Variants in ZFAND3 observed in about 807,000 individuals in gnomAD.
The protein encoded by ZFAND3 is AN1-type zinc finger protein 3.
In ZFAND3, 10 loss-of-function variants were observed where a neutral mutation model predicts 29.6. That is an observed-to-expected ratio of 0.34 (90% CI 0.21 to 0.57). ZFAND3 has a LOEUF of 0.57. Among genes scored for constraint, ZFAND3 ranks in the 20% least tolerant of loss-of-function variants. The pLI is 0.86. For missense variants in ZFAND3, 230 were observed against 304.5 expected (o/e 0.76, Z 1.82); for synonymous variants, 128 against 112.6 (o/e 1.14, Z -0.87).
intron 2 of ZFAND3, among the ~76,000 whole-genome samples, chr6:38,052,966 G>A (rs906080861): frequency 4.6e-5 from 7 of 151,880 alleles, no homozygotes; most frequent in Admixed American, 4.6e-4. Flanking sequence ...CCCGGGAGGC[G>A]GAGGTTGCAG....
intron 1 of ZFAND3, among the ~76,000 whole-genome samples, chr6:37,878,944 C>T (rs925874685): frequency 2.0e-5 from 3 of 152,108 alleles, no homozygotes; most frequent in Admixed American, 2.0e-4. Flanking sequence ...CTTTCCCAGC[C>T]CTGTGAGTTA....
chr6:38,143,691 C>T (rs1766009381), intron 5 of ZFAND3, among the ~76,000 whole-genome samples: 1 of 152,202 alleles, frequency 6.6e-6, no homozygotes. Context: ...CTTGTTGATT[C>T]ACTGTGGCTT....
chr6:38,026,483 T>C (rs1763452177), intron 2 of ZFAND3, among the ~76,000 whole-genome samples: 1 of 132,648 alleles, frequency 7.5e-6, no homozygotes. Context: ...CAGGCTGGAG[T>C]GAAGTGGCAG....
At chr6:38,036,096 G>C (rs1467764226) in intron 2 of ZFAND3, among the ~76,000 whole-genome samples, 1 of 152,160 alleles carries the variant, frequency 6.6e-6, no homozygotes, top group African/African-American at 2.4e-5. Context: ...CCTGGCTAAA[G>C]ACAGGACAGA....
At chr6:38,016,104 C>T (rs1000899578) in intron 2 of ZFAND3, among the ~76,000 whole-genome samples, 4 of 151,898 alleles carry the variant, frequency 2.6e-5, no homozygotes, top group East Asian at 1.9e-4. Context: ...GTTCCTTAGA[C>T]AGTAGTTCAG....
Position 37,883,627 on chromosome 6 carries a change from C to T in ZFAND3, c.72-46332C>T, listed in dbSNP as rs1287674752. 2.8e-5 allele frequency among the ~76,000 whole-genome samples: 4 copies of T among 143,832 alleles called. 1 individual carries two copies. Among genetic ancestry groups the T allele is most frequent in the African/African-American group, 1.1e-4 (4 of 35,244 alleles). 94.4% of individuals were successfully genotyped at this position (143,832 alleles called of 152,430 possible). A position where few individuals can be genotyped will look rare whatever the true frequency, so the allele number is the denominator to read the frequency against. On this transcript the variant is annotated intron_variant, in intron 1 of 5. Coordinates refer to ENST00000287218, the MANE Select transcript of ZFAND3 (RefSeq NM_021943.3). ...GCACAATCTTGGCTCACTGCAACCT[C>T]TGCCTCCTGGGTTCAAGCAATTCTC...
rs140852677 is a variant in ZFAND3 at position 38,054,764 on chromosome 6, T to A, written c.113-6829T>A. 2.1e-4 allele frequency among the ~76,000 whole-genome samples: 32 copies of A among 152,322 alleles called. No homozygotes were observed. In the East Asian group the frequency reaches 6.0e-3, roughly 28 times the overall value. On this transcript the variant is annotated intron_variant, in intron 2 of 5. Transcript: ENST00000287218. ...TGATAAGGTTTTCATAGTAACCAAG[T>A]CCATAAGTGCATTGGTTCTTGCTAA...
intron 4 of ZFAND3, among the ~76,000 whole-genome samples, chr6:38,097,867 A>C (rs1444953891): frequency 1.3e-5 from 2 of 152,142 alleles, no homozygotes; most frequent in Non-Finnish European, 2.9e-5. Flanking sequence ...CAGATTGGAG[A>C]ATGCAGACAT....
chr6:37,908,089 G>A (rs1765442842), intron 1 of ZFAND3, among the ~76,000 whole-genome samples: 1 of 151,988 alleles, frequency 6.6e-6, no homozygotes, highest in East Asian at 1.9e-4. Flanking sequence ...AATCGCAGTT[G>A]GTTTGATATT....
intron 2 of ZFAND3, among the ~76,000 whole-genome samples, chr6:37,950,980 T>C (rs1761988204): frequency 6.6e-6 from 1 of 152,270 alleles, no homozygotes; most frequent in Non-Finnish European, 1.5e-5. Context: ...TTTAACAATA[T>C]TGATTCTTCC....
chr6:37,896,564 T>TTCTTTCTTTCTTTCTC (rs1561925969), intron 1 of ZFAND3, among the ~76,000 whole-genome samples: 7 of 146,416 alleles, frequency 4.8e-5, no homozygotes, highest in South Asian at 2.2e-4. Flanking sequence ...CTTTCTTTCT[T>TTCTTTCTTTCTTTCTC]TCTTTCTCTC....
chr6:38,001,189 A>T (rs1240859716), intron 2 of ZFAND3, among the ~76,000 whole-genome samples: 2 of 152,232 alleles, frequency 1.3e-5, no homozygotes, highest in African/African-American at 4.8e-5. Flanking sequence ...ATTTTTATTC[A>T]TTCTTTTAAA....
chr6:37,834,087 A>G (rs1763917623), intron 1 of ZFAND3, among the ~76,000 whole-genome samples: 1 of 152,114 alleles, frequency 6.6e-6, no homozygotes, highest in Non-Finnish European at 1.5e-5. Flanking sequence ...GATTTTGACA[A>G]TGTGTAATGA....
At chr6:37,891,472 G>A (rs902791938) in intron 1 of ZFAND3, among the ~76,000 whole-genome samples, 2 of 146,312 alleles carry the variant, frequency 1.4e-5, no homozygotes, top group Non-Finnish European at 3.0e-5. Context: ...TGCATGCCAT[G>A]CCTGTAATCC....
chr6:37,925,173 C>G (rs1761459901), intron 1 of ZFAND3, among the ~76,000 whole-genome samples: 1 of 151,976 alleles, frequency 6.6e-6, no homozygotes, highest in Admixed American at 6.5e-5. Context: ...CACGCTCCAA[C>G]TTGTTTTAAA....
chr6:37,919,262 A>G (rs1296912030), intron 1 of ZFAND3, among the ~76,000 whole-genome samples: 11 of 152,036 alleles, frequency 7.2e-5, no homozygotes, highest in African/African-American at 2.4e-4. Flanking sequence ...GATCTTATAT[A>G]TATGTTCACC....
intron 1 of ZFAND3, among the ~76,000 whole-genome samples, chr6:37,912,036 G>C (rs1266071155): frequency 8.2e-6 from 1 of 121,462 alleles, no homozygotes; most frequent in Non-Finnish European, 1.8e-5. Context: ...TTATCTGTGT[G>C]TGTGTGTGTG....
intron 1 of ZFAND3, among the ~76,000 whole-genome samples, chr6:37,859,872 TTTTTC>T (rs1216774705): frequency 6.7e-6 from 1 of 149,904 alleles, no homozygotes; most frequent in Non-Finnish European, 1.5e-5. Flanking sequence ...GTTTTTTTTT[TTTTTC>T]TTTCTTTTTT....
intron 5 of ZFAND3, among the ~76,000 whole-genome samples, chr6:38,136,158 C>T (rs1261314069): frequency 6.6e-6 from 1 of 152,132 alleles, no homozygotes; most frequent in Admixed American, 6.5e-5. Context: ...CCGCTTATTT[C>T]CTCCTGAGAT....
Sources: gnomAD v4.1 joint callset for allele counts (sites outside exome capture counted in the v4.1 genomes callset) on GRCh38, gnomAD v4.1.1 for gene constraint, MANE v1.5 for transcripts, NCBI Gene and HGNC (gene_info 2026-07-23, HGNC 2026-07-21) for gene names.